Variants in AFAP1L1 observed in about 807,000 individuals in gnomAD.
The protein encoded by AFAP1L1 is actin filament associated protein 1 like 1.
Under a neutral mutation model 99.8 loss-of-function variants are expected in AFAP1L1, and 77 were observed. The observed-to-expected ratio is 0.77, with a 90% CI of 0.64 to 0.93. The LOEUF (loss-of-function observed/expected upper bound fraction) is 0.93, where lower values mean the gene tolerates loss of function less well. AFAP1L1 is among the 40% of genes least tolerant of loss of function. The pLI is 0.00. For synonymous variants in AFAP1L1, 373 were observed against 395.3 expected (o/e 0.94, Z 0.67); for missense variants, 893 against 996.8 (o/e 0.90, Z 1.40).
chr5:149,309,866 G>C (rs888881402), intron 7 of AFAP1L1, 90 bp from the exon 8 acceptor site: 1 of 1,546,788 alleles, frequency 6.5e-7, no homozygotes, highest in Non-Finnish European at 8.9e-7. Flanking sequence ...CTAAAGGGAG[G>C]TCGGGCTTCC....
Position 149,321,427 on chromosome 5 carries a change from T to TA in AFAP1L1, c.1698+970dup, listed in dbSNP as rs1756948112. Reference sequence around the variant, plus strand: ...TGCAAGAATTAAATAATACTTTATGTAAAAAAGTTTAGGCGGGGTCTGGGT... The same window carrying TA: ...TGCAAGAATTAAATAATACTTTATGTAAAAAAAGTTTAGGCGGGGTCTGGGT... On this transcript the variant is annotated intron_variant, in intron 14 of 18. Coordinates refer to ENST00000296721, the MANE Select transcript of AFAP1L1 (RefSeq NM_152406.4). Among the ~76,000 whole-genome samples, 3 of 152,116 alleles carry TA rather than the reference T, an allele frequency of 2.0e-5. No individual in the cohort carries two copies. The South Asian group carries it at 6.2e-4, about 32-fold the overall frequency.
chr5:149,280,816 C>T (rs1755493748), intron 1 of AFAP1L1, among the ~76,000 whole-genome samples: 1 of 152,080 alleles, frequency 6.6e-6, no homozygotes, highest in African/African-American at 2.4e-5. Flanking sequence ...CTTCTCCCTC[C>T]CCTTCCCTCC....
At chr5:149,285,501 C>G (rs535520996) in intron 1 of AFAP1L1, among the ~76,000 whole-genome samples, 1 of 152,102 alleles carries the variant, frequency 6.6e-6, no homozygotes, top group Non-Finnish European at 1.5e-5. Flanking sequence ...AATGATGAAA[C>G]CTGCCTGGGT....
At chr5:149,339,911 G>A in intron 18 of AFAP1L1, 96 bp from the exon 19 acceptor site, 5 of 1,396,796 alleles carry the variant, frequency 3.6e-6, no homozygotes, top group East Asian at 2.4e-5. Context: ...CCTGGCTAGT[G>A]GAGATCTTCA....
At chr5:149,296,604 A>T (rs569713115) in intron 1 of AFAP1L1, among the ~76,000 whole-genome samples, 81 of 152,262 alleles carry the variant, frequency 5.3e-4, no homozygotes, top group Non-Finnish European at 2.9e-4. Flanking sequence ...ACAGAGAGAG[A>T]ATGCGCGTTG....
At chr5:149,324,032 C>T (rs770760591) in intron 15 of AFAP1L1, among the ~76,000 whole-genome samples, 2 of 152,230 alleles carry the variant, frequency 1.3e-5, no homozygotes, top group Non-Finnish European at 2.9e-5. Context: ...CCCACTTGGC[C>T]TCCACTTTTC....
intron 5 of AFAP1L1, among the ~76,000 whole-genome samples, chr5:149,303,701 T>C (rs941294191): frequency 1.8e-4 from 28 of 152,126 alleles, no homozygotes; most frequent in African/African-American, 6.0e-4. Flanking sequence ...CACACACACA[T>C]GCATCCGTTT....
chr5:149,274,398 A>G (rs1368788876), intron 1 of AFAP1L1, among the ~76,000 whole-genome samples: 1 of 152,242 alleles, frequency 6.6e-6, no homozygotes, highest in Non-Finnish European at 1.5e-5. Context: ...AGTACTAAGT[A>G]TACTCAGATC....
At chr5:149,305,874 C>T (rs1756389484) in intron 5 of AFAP1L1, among the ~76,000 whole-genome samples, 1 of 94,610 alleles carries the variant, frequency 1.1e-5, no homozygotes, top group African/African-American at 4.5e-5. Flanking sequence ...CTGCGACCAA[C>T]ACACCACACA....
At position 149,305,700 on chromosome 5, in the gene AFAP1L1, C is replaced by T. The variant is rs899675601; in HGVS notation, c.437-606C>T. Reference sequence around the variant, plus strand: ...AGGTAGTTGTAGTCACTATTATGCACGATATTATTATCTCCTCTAGTCCAA... The same window carrying T: ...AGGTAGTTGTAGTCACTATTATGCATGATATTATTATCTCCTCTAGTCCAA... On this transcript the variant is annotated intron_variant, in intron 5 of 18. Transcript: ENST00000296721. Among the ~76,000 whole-genome samples, 14 of 152,070 alleles carry T rather than the reference C, an allele frequency of 9.2e-5. No homozygotes were observed. The South Asian group carries it at 2.9e-3, about 32-fold the overall frequency.
At position 149,273,237 on chromosome 5, in the gene AFAP1L1, T is replaced by C. The variant is rs1755192815; in HGVS notation, c.16+1253T>C. On this transcript the variant is annotated intron_variant, in intron 1 of 18. Transcript: ENST00000296721. ...CGAAGTGTTGTTGTTGTTGCTGTTATTAATAATGGAAAATTCATTCCCCTC... is the reference window on the plus strand; with the variant it reads ...CGAAGTGTTGTTGTTGTTGCTGTTACTAATAATGGAAAATTCATTCCCCTC... Among the ~76,000 whole-genome samples the C allele has an allele frequency of 2.0e-5, 3 of 150,376 alleles. No individual in the cohort carries two copies. The Admixed American group carries it at 2.0e-4, about 10-fold the overall frequency.
At chr5:149,317,700 T>C (rs1474444082) in intron 11 of AFAP1L1, 29 bp from the exon 12 acceptor site, 1 of 1,612,086 alleles carries the variant, frequency 6.2e-7, no homozygotes, top group East Asian at 2.2e-5. Context: ...GGGCAGGCTA[T>C]GGGAACCTCA....
At chr5:149,290,241 C>T (rs1453800035) in intron 1 of AFAP1L1, among the ~76,000 whole-genome samples, 1 of 152,116 alleles carries the variant, frequency 6.6e-6, no homozygotes, top group African/African-American at 2.4e-5. Context: ...AAAAATAAGA[C>T]TTAATTTATA....
In AFAP1L1 at chr5:149,306,340, C is replaced by T. The variant is rs749033706; in HGVS notation, c.471C>T (p.Gly157=). 3.0e-5 allele frequency: 48 copies of T among 1,613,458 alleles called. No individual in the cohort carries two copies. In the South Asian group the frequency reaches 4.8e-4, roughly 16 times the overall value. The change falls in exon 6 of 19, where the codon GGC becomes GGT. Residue 157 remains glycine, a synonymous_variant. Coordinates refer to ENST00000296721, the MANE Select transcript of AFAP1L1 (RefSeq NM_152406.4). Reference sequence around the variant, plus strand: ...GCCCCTCACACTCGATTGTGGATGGCTACTATGAGGACGCAGACAGCAGCT... The same window carrying T: ...GCCCCTCACACTCGATTGTGGATGGTTACTATGAGGACGCAGACAGCAGCT... The part of the protein sequence containing the change: ...GCSPSHSIVD[G]YYEDADSSYP...
At chr5:149,337,826 C>T (rs1757448101) in intron 18 of AFAP1L1, among the ~76,000 whole-genome samples, 1 of 152,016 alleles carries the variant, frequency 6.6e-6, no homozygotes, top group Non-Finnish European at 1.5e-5. Context: ...GCAATATACA[C>T]AGTGGTCAGA....
rs760413802 is a variant in AFAP1L1, at chr5:149,301,235, G to C, written c.327+5G>C. On this transcript the variant is annotated splice_donor_5th_base_variant and intron_variant, in intron 4 of 18. Coordinates refer to ENST00000296721, the MANE Select transcript of AFAP1L1 (RefSeq NM_152406.4). ...AAGAGCCCACGCCTGAGAAACGTGA[G>C]TCATGGCCTGGGTTCCCACACCTCA... is the stretch of plus-strand genomic sequence containing the variant. 6.2e-7 allele frequency: 1 copy of C among 1,613,540 alleles called. No individual in the cohort carries two copies. Among genetic ancestry groups the C allele is most frequent in the Non-Finnish European group, 8.5e-7 (1 of 1,179,678 alleles).
intron 1 of AFAP1L1, among the ~76,000 whole-genome samples, chr5:149,283,368 TTGA>T (rs1189492855): frequency 6.6e-6 from 1 of 152,230 alleles, no homozygotes. Flanking sequence ...GGACACATTG[TTGA>T]TATCTGCCCA....
chr5:149,290,705 G>T (rs1755823848), intron 1 of AFAP1L1, among the ~76,000 whole-genome samples: 1 of 150,338 alleles, frequency 6.7e-6, no homozygotes, highest in Admixed American at 6.6e-5. Context: ...CATGCTGAGG[G>T]TACTTTTTGT....
Position 149,307,442 on chromosome 5 carries a change from C to T in AFAP1L1, c.576C>T (p.Tyr192=), listed in dbSNP as rs767999558. The part of the protein sequence containing the change: ...SDAMSSSYES[Y]DEEEEEGKSP... The stretch of plus-strand genomic sequence containing the variant: ...CAATGAGCAGCTCCTATGAGTCCTA[C>T]GATGAAGAGGAGGAGGAAGGGAAGA... Residue 192 remains tyrosine, a synonymous_variant, in exon 7 of 19, where the codon TAC becomes TAT. Transcript: ENST00000296721. 9.9e-6 allele frequency: 16 copies of T among 1,613,930 alleles called. No homozygotes were observed. Among genetic ancestry groups the T allele is most frequent in the East Asian group, 8.9e-5 (4 of 44,886 alleles).
Sources: allele counts gnomAD v4.1 joint callset (sites outside exome capture counted in the v4.1 genomes callset), GRCh38; gene constraint gnomAD v4.1.1; transcripts MANE v1.5; gene names NCBI Gene and HGNC (gene_info 2026-07-23, HGNC 2026-07-21).